ITGBL1: variants seen among roughly 807,000 people sequenced by gnomAD.
ITGBL1 encodes integrin beta-like protein 1.
ITGBL1 carries 51 observed loss-of-function variants against 68.5 expected under a neutral mutation model. The ratio of observed to expected loss-of-function variants is 0.74; its 90% CI spans 0.59 to 0.94. The LOEUF is 0.94. Among genes scored for constraint, ITGBL1 ranks in the 40% least tolerant of loss-of-function variants. The pLI, the probability that ITGBL1 is intolerant of heterozygous loss-of-function variation, is 0.00. For missense variants in ITGBL1, 649 were observed against 647.4 expected (o/e 1.00, Z -0.03); for synonymous variants, 209 against 227.3 (o/e 0.92, Z 0.72).
chr13:101,671,583 C>T (rs986412882), intron 7 of ITGBL1, among the ~76,000 whole-genome samples: 10 of 150,208 alleles, frequency 6.7e-5, no homozygotes, highest in Middle Eastern at 3.2e-3. Flanking sequence ...GGACTACAGG[C>T]GCCCGCCACC....
chr13:101,599,075 C>G (rs922630648), intron 7 of ITGBL1, among the ~76,000 whole-genome samples: 1 of 152,192 alleles, frequency 6.6e-6, no homozygotes, highest in Non-Finnish European at 1.5e-5. Context: ...GTTCCTATTT[C>G]TCCATATCAT....
chr13:101,622,797 A>G (rs1167153781), intron 7 of ITGBL1, among the ~76,000 whole-genome samples: 1 of 152,132 alleles, frequency 6.6e-6, no homozygotes, highest in Non-Finnish European at 1.5e-5. Flanking sequence ...ATCTTTATTT[A>G]ATTTAATACG....
chr13:101,631,277 T>A (rs1200602230), intron 7 of ITGBL1, among the ~76,000 whole-genome samples: 1 of 152,196 alleles, frequency 6.6e-6, no homozygotes, highest in Non-Finnish European at 1.5e-5. Context: ...GCTATGATTA[T>A]ACACTAATAT....
At chr13:101,487,218 T>A (rs1313429188) in intron 2 of ITGBL1, among the ~76,000 whole-genome samples, 4 of 152,210 alleles carry the variant, frequency 2.6e-5, no homozygotes, top group Admixed American at 2.6e-4. Context: ...TCCTGTCAAA[T>A]TGCTCAGGCT....
chr13:101,498,460 T>C (rs1322485677), intron 2 of ITGBL1, among the ~76,000 whole-genome samples: 1 of 152,208 alleles, frequency 6.6e-6, no homozygotes, highest in Non-Finnish European at 1.5e-5. Flanking sequence ...TTAGTACCTG[T>C]GATTTGTTTA....
intron 2 of ITGBL1, among the ~76,000 whole-genome samples, chr13:101,463,905 C>CTTT (rs200070869): frequency 7.8e-6 from 1 of 127,458 alleles, no homozygotes. Context: ...CATTCTAGTT[C>CTTT]TTTTTTTTTT....
At chr13:101,454,581 T>A (rs997254796) in intron 2 of ITGBL1, among the ~76,000 whole-genome samples, 1 of 152,192 alleles carries the variant, frequency 6.6e-6, no homozygotes. Context: ...AATGGAGTTA[T>A]TTTACTGGGT....
intron 7 of ITGBL1, among the ~76,000 whole-genome samples, chr13:101,650,047 G>C (rs574372756): frequency 6.6e-6 from 1 of 151,924 alleles, no homozygotes; most frequent in African/African-American, 2.4e-5. Context: ...AAAAGCAAGA[G>C]AGAGAGAGAC....
intron 7 of ITGBL1, among the ~76,000 whole-genome samples, chr13:101,646,157 C>T (rs1461368356): frequency 6.6e-6 from 1 of 152,174 alleles, no homozygotes; most frequent in Admixed American, 6.6e-5. Context: ...ATGGCGTGAA[C>T]TGCAAGCACC....
intron 8 of ITGBL1, among the ~76,000 whole-genome samples, chr13:101,697,314 A>G (rs2034025110): frequency 6.6e-6 from 1 of 152,184 alleles, no homozygotes; most frequent in Admixed American, 6.6e-5. Context: ...ATATCTGATG[A>G]CACTATGTTG....
chr13:101,595,023 G>A (rs2029882177), intron 6 of ITGBL1, among the ~76,000 whole-genome samples: 1 of 152,182 alleles, frequency 6.6e-6, no homozygotes, highest in African/African-American at 2.4e-5. Flanking sequence ...GCAGTGAACC[G>A]AGATTGTGCC....
intron 2 of ITGBL1, among the ~76,000 whole-genome samples, chr13:101,555,756 C>T (rs1191175181): frequency 6.6e-6 from 1 of 151,980 alleles, no homozygotes; most frequent in Non-Finnish European, 1.5e-5. Flanking sequence ...TCTTATCTGG[C>T]TCCAATTGGT....
intron 6 of ITGBL1, among the ~76,000 whole-genome samples, chr13:101,596,174 A>G (rs952650940): frequency 3.9e-5 from 6 of 152,124 alleles, no homozygotes; most frequent in Non-Finnish European, 5.9e-5. Flanking sequence ...GCTAAGTAAA[A>G]TAAGCCAGAC....
Position 101,524,793 on chromosome 13 carries a change from G to A in ITGBL1, c.317-42906G>A, listed in dbSNP as rs189640492. On this transcript the variant is annotated intron_variant, in intron 2 of 10. Transcript: ENST00000376180. ...ATTGGTGGTCATTACGCCAACTGAC[G>A]TATAGCTGTCATCACTGATGTAATT... Among the ~76,000 whole-genome samples the A allele has an allele frequency of 1.4e-3, 207 of 150,494 alleles. 1 individual carries two copies. The highest frequency in any genetic ancestry group is 2.6e-3 in the Non-Finnish European group (177 of 67,706).
At chr13:101,671,348 G>GT (rs2033354208) in intron 7 of ITGBL1, among the ~76,000 whole-genome samples, 1 of 148,960 alleles carries the variant, frequency 6.7e-6, no homozygotes, top group Non-Finnish European at 1.5e-5. Flanking sequence ...TACTTAAAAC[G>GT]TTTCAGTTGC....
chr13:101,582,724 T>C (rs1350966281), intron 5 of ITGBL1, among the ~76,000 whole-genome samples: 1 of 152,196 alleles, frequency 6.6e-6, no homozygotes, highest in Non-Finnish European at 1.5e-5. Context: ...CAATGTCTCC[T>C]AGAACATTTC....
At chr13:101,474,741 T>C (rs2048511751) in intron 2 of ITGBL1, among the ~76,000 whole-genome samples, 1 of 152,106 alleles carries the variant, frequency 6.6e-6, no homozygotes, top group Admixed American at 6.5e-5. Context: ...AGACTACATT[T>C]GTTTGGAGGA....
intron 2 of ITGBL1, among the ~76,000 whole-genome samples, chr13:101,551,307 G>A (rs1328210659): frequency 6.6e-6 from 1 of 152,218 alleles, no homozygotes; most frequent in Non-Finnish European, 1.5e-5. Flanking sequence ...TTCGCCTAAT[G>A]TAGTACTGAT....
chr13:101,648,558 T>C (rs1399262317), intron 7 of ITGBL1, among the ~76,000 whole-genome samples: 1 of 152,062 alleles, frequency 6.6e-6, no homozygotes, highest in African/African-American at 2.4e-5. Flanking sequence ...ACTTAGTCCA[T>C]ATATAAAGGC....
Sources: allele counts gnomAD v4.1 joint callset (sites outside exome capture counted in the v4.1 genomes callset), GRCh38; gene constraint gnomAD v4.1.1; transcripts MANE v1.5; gene names NCBI Gene and HGNC (gene_info 2026-07-23, HGNC 2026-07-21).